Variants in TMEM232 observed in about 807,000 individuals in gnomAD.
TMEM232 encodes the protein transmembrane protein 232.
In TMEM232, 80 loss-of-function variants were observed where a neutral mutation model predicts 78.8. That is an observed-to-expected ratio of 1.01 (90% confidence interval 0.85 to 1.22). The LOEUF (loss-of-function observed/expected upper bound fraction) is 1.22. Ranked by LOEUF, TMEM232 falls within the 50% of genes most tolerant of loss-of-function variation. The probability of loss-of-function intolerance (pLI) is 0.00; values close to 1 mark genes in which losing one functional copy is unlikely to be tolerated. For synonymous variants in TMEM232, 297 were observed against 254.3 expected, an observed-to-expected ratio of 1.17 and a Z score of -1.60; for missense variants, 881 against 742.2, an observed-to-expected ratio of 1.19 and a Z score of -2.17.
intron 2 of TMEM232, among the ~76,000 whole-genome samples, chr5:110,657,144 T>C (rs1320341985): frequency 3.3e-5 from 5 of 152,176 alleles, no homozygotes; most frequent in African/African-American, 1.2e-4. Context: ...TCATACATTG[T>C]TGGTAGGAAT....
At chr5:110,527,107 A>G (rs1332452730) in intron 12 of TMEM232, among the ~76,000 whole-genome samples, 1 of 151,894 alleles carries the variant, frequency 6.6e-6, no homozygotes, top group Non-Finnish European at 1.5e-5. Flanking sequence ...GATGGGGGGT[A>G]AATCAGGGAA....
intron 12 of TMEM232, among the ~76,000 whole-genome samples, chr5:110,490,576 A>G (rs1764975672): frequency 6.6e-6 from 1 of 152,156 alleles, no homozygotes; most frequent in African/African-American, 2.4e-5. Flanking sequence ...AAAGAATAAT[A>G]AAACTTTGAA....
chr5:110,415,435 C>A (rs1262114477), downstream of TMEM232, among the ~76,000 whole-genome samples: 1 of 151,814 alleles, frequency 6.6e-6, no homozygotes, highest in African/African-American at 2.4e-5. Context: ...GTTCCACCCA[C>A]GTTGGCCTCC....
intron 11 of TMEM232, among the ~76,000 whole-genome samples, chr5:110,559,539 G>A (rs745629812): frequency 3.3e-5 from 5 of 152,120 alleles, no homozygotes; most frequent in Non-Finnish European, 5.9e-5. Flanking sequence ...TTTATACCAA[G>A]AGAATATCAA....
At chr5:110,613,327 A>G (rs1210927692) in intron 8 of TMEM232, among the ~76,000 whole-genome samples, 3 of 152,198 alleles carry the variant, frequency 2.0e-5, no homozygotes, top group African/African-American at 7.2e-5. Flanking sequence ...CTACTGACCA[A>G]TAGCATCAGA....
At chr5:110,731,379 G>T (rs114886762), upstream of TMEM232, among the ~76,000 whole-genome samples, 370 of 152,336 alleles carry the variant, frequency 2.4e-3, 1 homozygote, top group Middle Eastern at 0.017. Flanking sequence ...CCCCAGTAGG[G>T]ACTCTGTGTG....
At chr5:110,494,591 T>C (rs780355226) in intron 12 of TMEM232, among the ~76,000 whole-genome samples, 6 of 152,080 alleles carry the variant, frequency 3.9e-5, no homozygotes, top group Non-Finnish European at 7.4e-5. Context: ...CCAGACATTC[T>C]ACTCCTAGGT....
At chr5:110,527,283 C>G (rs760462783) in intron 12 of TMEM232, among the ~76,000 whole-genome samples, 1 of 151,812 alleles carries the variant, frequency 6.6e-6, no homozygotes, top group Admixed American at 6.6e-5. Flanking sequence ...CAGTAATATA[C>G]TGTGGCAATA....
At chr5:110,684,719 A>T (rs868133327) in intron 1 of TMEM232, 16 of 152,256 alleles carry the variant, frequency 1.1e-4, no homozygotes, top group African/African-American at 3.9e-4. Flanking sequence ...CATATAGAGA[A>T]TTCTATATTT....
At chr5:110,460,417 TCA>T (rs1342305036) in intron 12 of TMEM232, among the ~76,000 whole-genome samples, 1 of 152,148 alleles carries the variant, frequency 6.6e-6, no homozygotes, top group African/African-American at 2.4e-5. Flanking sequence ...TATAGTAATC[TCA>T]CAACTTTTCC....
rs562986567 is a variant in TMEM232 at position 110,388,216 on chromosome 5, T to G, written n.616-163A>C. On this transcript the variant is annotated intron_variant and non_coding_transcript_variant, in intron 4 of 8. Coordinates refer to the TMEM232 transcript ENST00000507188. ...AGGTTGGTCCGACCAGTTGTGACAT[T>G]TATAGAATGTACTGGGAAGGCTGGT... Among the ~76,000 whole-genome samples, 3 of 152,156 alleles carry G rather than the reference T, an allele frequency of 2.0e-5. No individual in the cohort carries two copies. The South Asian group carries it at 6.2e-4, about 32-fold the overall frequency.
chr5:110,492,946 G>C (rs1765268151), intron 12 of TMEM232, among the ~76,000 whole-genome samples: 1 of 151,932 alleles, frequency 6.6e-6, no homozygotes, highest in South Asian at 2.1e-4. Flanking sequence ...GAGAGAATGA[G>C]AGGCAGTACA....
chr5:110,586,507 C>G (rs926522394), intron 10 of TMEM232, among the ~76,000 whole-genome samples: 1 of 151,754 alleles, frequency 6.6e-6, no homozygotes, highest in Admixed American at 6.6e-5. Flanking sequence ...ATTCTTTCCC[C>G]CATGAAAGTG....
At chr5:110,439,683 A>T (rs1418222041) in intron 12 of TMEM232, among the ~76,000 whole-genome samples, 1 of 151,920 alleles carries the variant, frequency 6.6e-6, no homozygotes, top group South Asian at 2.1e-4. Flanking sequence ...TTGTATAGAG[A>T]CTGGCAAAGC....
chr5:110,535,269 T>C (rs1038946672), intron 11 of TMEM232, among the ~76,000 whole-genome samples: 2 of 152,152 alleles, frequency 1.3e-5, no homozygotes, highest in African/African-American at 4.8e-5. Context: ...CATTATCTTG[T>C]GAAATTCCTT....
intron 5 of TMEM232, among the ~76,000 whole-genome samples, chr5:110,629,445 C>T (rs1350589438): frequency 6.6e-6 from 1 of 152,070 alleles, no homozygotes; most frequent in African/African-American, 2.4e-5. Flanking sequence ...TTTTTATTGA[C>T]AAATCTACCT....
chr5:110,616,390 T>C (rs1443593639), intron 8 of TMEM232, among the ~76,000 whole-genome samples: 2 of 151,996 alleles, frequency 1.3e-5, no homozygotes, highest in Admixed American at 1.3e-4. Flanking sequence ...GCCCCTTCTC[T>C]CACACTGTAT....
At chr5:110,597,013 A>C (rs1018581224) in intron 10 of TMEM232, among the ~76,000 whole-genome samples, 13 of 152,184 alleles carry the variant, frequency 8.5e-5, no homozygotes, top group Non-Finnish European at 1.8e-4. Flanking sequence ...AGTTCTGGCC[A>C]GGGCAATTAG....
intron 12 of TMEM232, among the ~76,000 whole-genome samples, chr5:110,461,843 T>C (rs1460331332): frequency 6.6e-6 from 1 of 152,118 alleles, no homozygotes; most frequent in East Asian, 1.9e-4. Flanking sequence ...TTTTACAGCA[T>C]GGTTTGCTGA....
Sources: gnomAD v4.1 joint callset for allele counts (sites outside exome capture counted in the v4.1 genomes callset) on GRCh38, gnomAD v4.1.1 for gene constraint, MANE v1.5 for transcripts, NCBI Gene and HGNC (gene_info 2026-07-23, HGNC 2026-07-21) for gene names.